Variants in DPH6 observed in about 807,000 individuals in gnomAD.
DPH6 encodes diphthine--ammonia ligase.
DPH6 carries 33 observed loss-of-function variants against 38.2 expected under a neutral mutation model. That is an observed-to-expected ratio of 0.86 (90% confidence interval 0.65 to 1.15). The LOEUF is 1.15. Among genes scored for constraint, DPH6 ranks in the 50% most tolerant of loss-of-function variants. DPH6 has a pLI of 0.00. For missense variants in DPH6, 325 were observed against 320.0 expected, an observed-to-expected ratio of 1.02 and a Z score of -0.12; for synonymous variants, 108 against 103.0, an observed-to-expected ratio of 1.05 and a Z score of -0.30.
At chr15:35,339,393 C>G (rs905988642) in intron 3 of DPH6, among the ~76,000 whole-genome samples, 1 of 151,822 alleles carries the variant, frequency 6.6e-6, no homozygotes, top group Non-Finnish European at 1.5e-5. Flanking sequence ...GGCGTGATCT[C>G]GACTCACTGC....
chr15:35,523,701 T>C (rs922509696), intron 3 of DPH6, among the ~76,000 whole-genome samples: 1 of 152,118 alleles, frequency 6.6e-6, no homozygotes, highest in Non-Finnish European at 1.5e-5. Flanking sequence ...TTGGAATTGC[T>C]TTATTAGCTA....
the DPH6 span, among the ~76,000 whole-genome samples, chr15:35,175,533 A>C: frequency 6.6e-6 from 1 of 152,240 alleles, no homozygotes; most frequent in East Asian, 1.9e-4. Context: ...AAGTAGGGAT[A>C]ATTTGCCTCA....
downstream of DPH6, among the ~76,000 whole-genome samples, chr15:35,370,340 T>A (rs2052699874): frequency 6.6e-6 from 1 of 150,474 alleles, no homozygotes; most frequent in African/African-American, 2.5e-5. Flanking sequence ...ATTGATAAGC[T>A]GGAGTTCCTT....
At chr15:35,523,291 C>G (rs2054950265) in intron 3 of DPH6, among the ~76,000 whole-genome samples, 1 of 136,568 alleles carries the variant, frequency 7.3e-6, no homozygotes, top group African/African-American at 2.8e-5. Flanking sequence ...TGTGAAATGC[C>G]TGTTCATATC....
rs1327859027 is a variant in DPH6 at position 35,440,544 on chromosome 15, AC to A, written c.505+10140del. On this transcript the variant is annotated intron_variant, in intron 5 of 8. Transcript: ENST00000256538. ...TCTGATTCTGTCTTCCCAAAACAGT[AC>A]CCCCTCTGTCAGCAGTATGCAGTAA... is the stretch of plus-strand genomic sequence containing the variant. Among the ~76,000 whole-genome samples, 5 of 151,924 alleles carry A rather than the reference AC, an allele frequency of 3.3e-5. No homozygotes were observed. The East Asian group carries it at 9.7e-4, about 29-fold the overall frequency.
At chr15:35,214,839 C>T (rs1371763401), downstream of DPH6, among the ~76,000 whole-genome samples, 1 of 152,140 alleles carries the variant, frequency 6.6e-6, no homozygotes, top group Non-Finnish European at 1.5e-5. Flanking sequence ...AACTCCTGAC[C>T]TCAGGTGATC....
At chr15:35,442,922 T>G (rs1000901444) in intron 5 of DPH6, among the ~76,000 whole-genome samples, 2 of 152,100 alleles carry the variant, frequency 1.3e-5, no homozygotes, top group African/African-American at 4.8e-5. Flanking sequence ...GAGCATGAGA[T>G]TCCTTTTTGG....
intron 3 of DPH6, among the ~76,000 whole-genome samples, chr15:35,271,641 C>CACAT (rs2051823303): frequency 6.6e-6 from 1 of 152,200 alleles, no homozygotes; most frequent in Admixed American, 6.5e-5. Flanking sequence ...AGGCACTATG[C>CACAT]AGGGCAAAGC....
chr15:35,368,616 T>C (rs1270254745), downstream of DPH6, among the ~76,000 whole-genome samples: 1 of 151,956 alleles, frequency 6.6e-6, no homozygotes, highest in Non-Finnish European at 1.5e-5. Flanking sequence ...AATATGTGCA[T>C]ATTAGGACTA....
intron 3 of DPH6, among the ~76,000 whole-genome samples, chr15:35,236,991 A>T (rs1369289403): frequency 1.3e-5 from 2 of 152,156 alleles, no homozygotes; most frequent in African/African-American, 4.8e-5. Context: ...GCTCATCTCC[A>T]TTACATAATC....
At chr15:35,366,250 G>C (rs1227139168), downstream of DPH6, among the ~76,000 whole-genome samples, 5 of 151,432 alleles carry the variant, frequency 3.3e-5, no homozygotes, top group Admixed American at 6.6e-5. Context: ...GTGTGTGTGT[G>C]TGTGTGTGTG....
chr15:35,464,864 AC>A (rs1241023534), intron 3 of DPH6, among the ~76,000 whole-genome samples: 1 of 152,186 alleles, frequency 6.6e-6, no homozygotes, highest in East Asian at 1.9e-4. Flanking sequence ...TATAAAATGT[AC>A]CCCATGTTGT....
At chr15:35,494,611 A>C (rs1472207873) in intron 3 of DPH6, among the ~76,000 whole-genome samples, 5 of 152,122 alleles carry the variant, frequency 3.3e-5, no homozygotes, top group African/African-American at 1.2e-4. Flanking sequence ...ATTCCTTTCA[A>C]ATTTCATAGA....
intron 3 of DPH6, among the ~76,000 whole-genome samples, chr15:35,267,056 A>G (rs947635363): frequency 2.0e-5 from 3 of 152,310 alleles, no homozygotes; most frequent in South Asian, 2.1e-4. Flanking sequence ...TTGAAAGGAT[A>G]CAAGGATCTG....
At chr15:35,245,185 T>C (rs965016023) in intron 3 of DPH6, among the ~76,000 whole-genome samples, 2 of 151,484 alleles carry the variant, frequency 1.3e-5, no homozygotes, top group Non-Finnish European at 2.9e-5. Context: ...AATACGTATG[T>C]AGTTTAGGGG....
intron 7 of DPH6, 87 bp from the exon 8 acceptor site, chr15:35,373,695 T>C: frequency 6.9e-6 from 7 of 1,013,708 alleles, no homozygotes; most frequent in Non-Finnish European, 1.0e-5. Flanking sequence ...AGACTAAACA[T>C]TCTTGTTTTA....
intron 6 of DPH6, among the ~76,000 whole-genome samples, chr15:35,385,028 C>T (rs1254628929): frequency 6.6e-6 from 1 of 152,174 alleles, no homozygotes; most frequent in East Asian, 1.9e-4. Flanking sequence ...AGCTCATCAT[C>T]ACTGGTCATT....
intron 3 of DPH6, among the ~76,000 whole-genome samples, chr15:35,534,352 G>C (rs984277623): frequency 3.5e-5 from 5 of 144,836 alleles, no homozygotes; most frequent in Admixed American, 7.1e-5. Context: ...TCTCCAGCCT[G>C]GGCAACAAGA....
intron 7 of DPH6, among the ~76,000 whole-genome samples, chr15:35,378,000 G>A (rs1595511366): frequency 6.6e-6 from 1 of 151,844 alleles, no homozygotes; most frequent in East Asian, 1.9e-4. Flanking sequence ...CTCCCAAAGT[G>A]TTGTGATTAC....
Sources: gnomAD v4.1 joint callset for allele counts (sites outside exome capture counted in the v4.1 genomes callset) on GRCh38, gnomAD v4.1.1 for gene constraint, MANE v1.5 for transcripts, NCBI Gene and HGNC (gene_info 2026-07-23, HGNC 2026-07-21) for gene names.